The following PDGFRL variants were observed in gnomAD, a reference collection of about 807,000 sequenced individuals.
PDGFRL encodes platelet-derived growth factor receptor-like protein.
Under a neutral mutation model 37.2 loss-of-function variants are expected in PDGFRL, and 46 were observed. That is an observed-to-expected ratio of 1.24 (90% CI 0.98 to 1.58). The LOEUF (loss-of-function observed/expected upper bound fraction) is 1.58. PDGFRL is among the 40% of genes most tolerant of loss of function. PDGFRL has a pLI of 0.00. For missense variants in PDGFRL, 692 were observed against 467.6 expected (o/e 1.48, Z -4.43); for synonymous variants, 251 against 184.3 (o/e 1.36, Z -2.93).
At chr8:17,581,337 G>A (rs533728723) in intron 1 of PDGFRL, among the ~76,000 whole-genome samples, 13 of 152,316 alleles carry the variant, frequency 8.5e-5, no homozygotes, top group East Asian at 1.9e-4. Flanking sequence ...GCTGTGATGC[G>A]TGGGACGGGA....
chr8:17,592,617 T>A (rs1406879973), intron 2 of PDGFRL, among the ~76,000 whole-genome samples: 5 of 152,192 alleles, frequency 3.3e-5, no homozygotes, highest in African/African-American at 4.8e-5. Context: ...GCCAGGCTCC[T>A]GGGGACTTCG....
chr8:17,598,399 C>T lies in PDGFRL; in HGVS notation c.353+8634C>T, dbSNP rs573808092. Among the ~76,000 whole-genome samples the T allele has an allele frequency of 7.2e-5, 11 of 152,338 alleles. No homozygotes were observed. The South Asian group carries it at 2.1e-3, about 29-fold the overall frequency. The stretch of plus-strand genomic sequence containing the variant: ...GAATAAACCCCTTGAGGGCAAATAA[C>T]ACATCTGTGGTTTATCATCAGATTC... On this transcript the variant is annotated intron_variant, in intron 2 of 5. Coordinates refer to ENST00000251630, the MANE Select transcript of PDGFRL (RefSeq NM_001372073.1).
chr8:17,628,037 A>G (rs1271526952), intron 3 of PDGFRL, among the ~76,000 whole-genome samples: 1 of 116,484 alleles, frequency 8.6e-6, no homozygotes, highest in Non-Finnish European at 1.6e-5. Context: ...TCTGTCGCCC[A>G]GGCTGGAGTG....
chr8:17,628,322 T>G (rs1162628601), intron 3 of PDGFRL, among the ~76,000 whole-genome samples, 165 bp from the exon 4 acceptor site: 1 of 152,086 alleles, frequency 6.6e-6, no homozygotes, highest in Non-Finnish European at 1.5e-5. Context: ...GACAGGAAGT[T>G]AAATCATTCT....
chr8:17,641,896 T>TCCCCGCGCCCC (rs1554556546), intron 5 of PDGFRL, among the ~76,000 whole-genome samples: 1 of 103,888 alleles, frequency 9.6e-6, no homozygotes, highest in Admixed American at 1.0e-4. Flanking sequence ...TCAATAGAGG[T>TCCCCGCGCCCC]CCCCGCCACA....
In PDGFRL at chr8:17,589,526, C is replaced by A. The variant is rs757450112; in HGVS notation, c.114C>A (p.Ile38=). ...CAAAAGAACCAGGAGAGAATAGAAT[C>A]AAACCTACCAACAAGAAGGTGAAGC... ...KRPKEPGENR[I]KPTNKKVKPK... The change falls in exon 2 of 6, where the codon ATC becomes ATA. Residue 38 remains isoleucine (I), a synonymous_variant. Coordinates refer to ENST00000251630, the MANE Select transcript of PDGFRL (RefSeq NM_001372073.1). The A allele has an allele frequency of 1.2e-6, 2 of 1,613,736 alleles. No homozygotes were observed. Among genetic ancestry groups the A allele is most frequent in the Non-Finnish European group, 1.7e-6 (2 of 1,179,632 alleles).
At chr8:17,593,954 C>T (rs979965130) in intron 2 of PDGFRL, among the ~76,000 whole-genome samples, 2 of 151,838 alleles carry the variant, frequency 1.3e-5, no homozygotes, top group Non-Finnish European at 2.9e-5. Flanking sequence ...ACTATAGGCA[C>T]ATGGTTGTAT....
intron 2 of PDGFRL, among the ~76,000 whole-genome samples, chr8:17,592,835 T>G (rs1803968899): frequency 6.6e-6 from 1 of 152,088 alleles, no homozygotes; most frequent in Admixed American, 6.6e-5. Context: ...CTTAGCTGAG[T>G]GGTTGGCGGT....
chr8:17,608,279 A>G (rs1008405981), intron 2 of PDGFRL, among the ~76,000 whole-genome samples: 12 of 152,118 alleles, frequency 7.9e-5, no homozygotes, highest in African/African-American at 2.7e-4. Flanking sequence ...TCTCAGTTAC[A>G]TTGGAGCAGA....
intron 3 of PDGFRL, 69 bp downstream of exon 3, chr8:17,621,271 C>G: frequency 2.9e-6 from 3 of 1,043,108 alleles, no homozygotes; most frequent in Non-Finnish European, 4.3e-6. Context: ...AAGGTTCCCC[C>G]ACTGCATGCT....
At chr8:17,609,170 C>G (rs1804350637) in intron 2 of PDGFRL, among the ~76,000 whole-genome samples, 1 of 152,090 alleles carries the variant, frequency 6.6e-6, no homozygotes, top group African/African-American at 2.4e-5. Context: ...CTGCTGCACT[C>G]CAGCCTGGGT....
intron 2 of PDGFRL, among the ~76,000 whole-genome samples, chr8:17,619,817 C>T (rs1325818342): frequency 6.6e-6 from 1 of 152,214 alleles, no homozygotes; most frequent in East Asian, 1.9e-4. Flanking sequence ...GGCTGCATAG[C>T]TATTGCACCA....
At chr8:17,577,822 C>T (rs907683086) in intron 1 of PDGFRL, among the ~76,000 whole-genome samples, 3 of 151,564 alleles carry the variant, frequency 2.0e-5, no homozygotes, top group African/African-American at 4.8e-5. Context: ...TTGAATCCTG[C>T]AAGATCTGCC....
Position 17,642,669 on chromosome 8 carries a change from A to C in PDGFRL, c.996A>C (p.Gly332=). ...DTWRLIHRGL[G]HTTRISQSVI... ...GGAGGTTGATCCACAGAGGACTGGGACACACCACGAGAATCTCCCAGAGTG... is the reference window on the plus strand; with the variant it reads ...GGAGGTTGATCCACAGAGGACTGGGCCACACCACGAGAATCTCCCAGAGTG... The change falls in exon 6 of 6, where the codon GGA becomes GGC. Residue 332 remains glycine (G), a synonymous_variant. Coordinates refer to ENST00000251630, the MANE Select transcript of PDGFRL (RefSeq NM_001372073.1). 6.2e-7 allele frequency: 1 copy of C among 1,607,512 alleles called. No homozygotes were observed. The highest frequency in any genetic ancestry group is 8.5e-7 in the Non-Finnish European group (1 of 1,173,938).
intron 4 of PDGFRL, among the ~76,000 whole-genome samples, chr8:17,630,621 T>A (rs1804842119): frequency 6.6e-6 from 1 of 152,148 alleles, no homozygotes. Context: ...GAGGCCACAG[T>A]TCCCTCCGCT....
At chr8:17,603,755 T>C (rs1804213777) in intron 2 of PDGFRL, among the ~76,000 whole-genome samples, 1 of 152,054 alleles carries the variant, frequency 6.6e-6, no homozygotes, top group Non-Finnish European at 1.5e-5. Context: ...GGGAAGACAA[T>C]TAAATAAGCA....
At chr8:17,619,930 C>G (rs1804598638) in intron 2 of PDGFRL, among the ~76,000 whole-genome samples, 2 of 152,196 alleles carry the variant, frequency 1.3e-5, no homozygotes, top group Non-Finnish European at 2.9e-5. Context: ...AGGCTTTTCT[C>G]TCTGCTTCCC....
intron 2 of PDGFRL, among the ~76,000 whole-genome samples, chr8:17,595,031 C>T (rs1342007752): frequency 1.3e-5 from 2 of 151,342 alleles, no homozygotes; most frequent in African/African-American, 4.9e-5. Context: ...GATGTACATC[C>T]TGATGTTGAT....
intron 3 of PDGFRL, 46 bp downstream of exon 3, chr8:17,621,248 G>A (rs752987314): frequency 4.3e-5 from 61 of 1,413,460 alleles, no homozygotes; most frequent in Non-Finnish European, 5.2e-5. Context: ...CTTCTGGACC[G>A]GGCTGAGAGC....
Sources: gnomAD v4.1 joint callset for allele counts (sites outside exome capture counted in the v4.1 genomes callset) on GRCh38, gnomAD v4.1.1 for gene constraint, MANE v1.5 for transcripts, NCBI Gene and HGNC (gene_info 2026-07-23, HGNC 2026-07-21) for gene names.